Variants in RHOD observed in about 807,000 individuals in gnomAD.
RHOD encodes rho-related GTP-binding protein RhoD.
A neutral mutation model predicts 16.7 loss-of-function variants in RHOD; 11 were observed. The observed-to-expected ratio is 0.66, with a 90% CI of 0.41 to 1.09. The LOEUF (loss-of-function observed/expected upper bound fraction) is 1.09. Ranked by LOEUF, RHOD falls within the 50% of genes least tolerant of loss-of-function variation. RHOD has a pLI of 0.00. For synonymous variants in RHOD, 124 were observed against 126.3 expected (o/e 0.98, Z 0.12); for missense variants, 271 against 291.7 (o/e 0.93, Z 0.52).
intron 1 of RHOD, among the ~76,000 whole-genome samples, chr11:67,062,504 G>C (rs189829976): frequency 6.6e-6 from 1 of 152,190 alleles, no homozygotes; most frequent in Non-Finnish European, 1.5e-5. Context: ...TTTTGGTAGA[G>C]GGAGTGATAG....
At position 67,056,948 on chromosome 11, in the gene RHOD, C is replaced by T. The variant is rs769382537; in HGVS notation, c.46C>T (p.Arg16Trp). The change falls in exon 1 of 5, where the codon CGG (arginine) becomes TGG (tryptophan). Residue 16 changes from arginine to tryptophan, a missense_variant. Coordinates refer to ENST00000308831, the MANE Select transcript of RHOD (RefSeq NM_014578.4). ...AAGEEAPPGV[R>W]SVKVVLVGDG... The stretch of plus-strand genomic sequence containing the variant: ...GGGTGAGGAGGCGCCACCAGGCGTG[C>T]GGTCCGTCAAGGTGGTCCTGGTGGG... 3 of 1,489,982 alleles carry T rather than the reference C, an allele frequency of 2.0e-6. No homozygotes were observed. The highest frequency in any genetic ancestry group is 1.3e-5 in the South Asian group (1 of 78,490). 92.3% of individuals were successfully genotyped at this position (1,489,982 alleles called of 1,614,324 possible).
rs1855018921 is a variant in RHOD, at chr11:67,070,675, G to A, written c.465+116G>A. On this transcript the variant is annotated intron_variant, in intron 4 of 4. Coordinates refer to ENST00000308831, the MANE Select transcript of RHOD (RefSeq NM_014578.4). ...CAGGGTGTAGGTCAGAGCTGCGGTCGTCTTAGAGGCTGTCAGAGGTCAGAA... is the reference window on the plus strand; with the variant it reads ...CAGGGTGTAGGTCAGAGCTGCGGTCATCTTAGAGGCTGTCAGAGGTCAGAA... 31 of 1,255,228 alleles carry A rather than the reference G, an allele frequency of 2.5e-5. No individual in the cohort carries two copies. The East Asian group carries it at 3.8e-4, about 15-fold the overall frequency. The allele number at this position is 1,255,228 out of a possible 1,614,324, so 77.8% of individuals were successfully genotyped here.
At chr11:67,061,164 G>A (rs1394281531) in intron 1 of RHOD, among the ~76,000 whole-genome samples, 3 of 152,146 alleles carry the variant, frequency 2.0e-5, no homozygotes, top group South Asian at 2.1e-4. Context: ...GAGAGAGAAG[G>A]GGGAAGCACC....
intron 1 of RHOD, among the ~76,000 whole-genome samples, chr11:67,061,716 A>C (rs1400942893): frequency 1.6e-3 from 54 of 33,586 alleles, no homozygotes; most frequent in Middle Eastern, 0.011. Flanking sequence ...CCTGTCCAGG[A>C]GGCGACAGAG....
At position 67,056,954 on chromosome 11, in the gene RHOD, G is replaced by T. The variant is rs562945573; in HGVS notation, c.52G>T (p.Val18Phe). Reference protein sequence around the residue: ...GEEAPPGVRSVKVVLVGDGGC... With the variant: ...GEEAPPGVRSFKVVLVGDGGC... ...GGAGGCGCCACCAGGCGTGCGGTCC[G>T]TCAAGGTGGTCCTGGTGGGCGACGG... The change falls in exon 1 of 5, where the codon GTC becomes TTC. Residue 18 changes from valine (V) to phenylalanine (F), a missense_variant. Val to Phe is a conservative substitution (Grantham distance 50). Coordinates refer to ENST00000308831, the MANE Select transcript of RHOD (RefSeq NM_014578.4). The T allele has an allele frequency of 4.7e-6, 7 of 1,496,970 alleles. No homozygotes were observed. The highest frequency in any genetic ancestry group is 2.9e-5 in the East Asian group (1 of 34,848). The allele number at this position is 1,496,970 out of a possible 1,614,324, so 92.7% of individuals were successfully genotyped here.
Position 67,071,738 on chromosome 11 carries a change from C to T in RHOD, c.*136C>T, listed in dbSNP as rs140962191. ...AGACGGGCGCCACCAAAGCCAGGCC[C>T]TGAGGCCTGGGAGTCCTGGACTGAG... is the stretch of plus-strand genomic sequence containing the variant. On this transcript the variant is annotated 3_prime_UTR_variant, in exon 5 of 5. Coordinates refer to ENST00000308831, the MANE Select transcript of RHOD (RefSeq NM_014578.4). 14,144 of 934,634 alleles carry T rather than the reference C, an allele frequency of 0.015. 157 individuals are homozygous for T. Among genetic ancestry groups the T allele is most frequent in the Middle Eastern group, 0.019 (55 of 2,898 alleles). The allele number at this position is 934,634 out of a possible 1,614,324, so 57.9% of individuals were successfully genotyped here.
intron 3 of RHOD, among the ~76,000 whole-genome samples, chr11:67,070,093 G>A (rs758279575): frequency 7.2e-5 from 11 of 152,092 alleles, no homozygotes; most frequent in African/African-American, 2.4e-4. Flanking sequence ...ATTCTAGAAC[G>A]GCAGGAGCAG....
chr11:67,066,184 G>A (rs572088058), intron 2 of RHOD, among the ~76,000 whole-genome samples: 3 of 152,190 alleles, frequency 2.0e-5, no homozygotes, highest in Non-Finnish European at 2.9e-5. Flanking sequence ...CCCCAGGGCC[G>A]CCCGCTACGT....
intron 1 of RHOD, among the ~76,000 whole-genome samples, chr11:67,061,237 C>T (rs1385762164): frequency 6.6e-6 from 1 of 151,948 alleles, no homozygotes; most frequent in Non-Finnish European, 1.5e-5. Flanking sequence ...TGGTGGCTCA[C>T]ACCTGTAATC....
At chr11:67,064,179 G>A (rs182829337) in intron 1 of RHOD, among the ~76,000 whole-genome samples, 91 of 150,804 alleles carry the variant, frequency 6.0e-4, no homozygotes, top group Admixed American at 1.4e-3. Context: ...GGCCGAGGCG[G>A]GTGGATCACG....
At chr11:67,061,757 T>C (rs7111691) in intron 1 of RHOD, among the ~76,000 whole-genome samples, 1 of 118,072 alleles carries the variant, frequency 8.5e-6, no homozygotes, top group Non-Finnish European at 1.7e-5. Context: ...AAAAAAAAAA[T>C]ATATATATAT....
chr11:67,060,731 T>C (rs1414151586), intron 1 of RHOD, among the ~76,000 whole-genome samples: 1 of 152,244 alleles, frequency 6.6e-6, no homozygotes. Flanking sequence ...GGATCGGAGA[T>C]GGTGCCAGTA....
intron 4 of RHOD, among the ~76,000 whole-genome samples, chr11:67,071,230 C>T (rs952229810): frequency 6.6e-6 from 1 of 151,768 alleles, no homozygotes; most frequent in Non-Finnish European, 1.5e-5. Flanking sequence ...AGCAAGACTC[C>T]GTCTCAAAAA....
chr11:67,066,097 A>G, intron 2 of RHOD, 114 bp downstream of exon 2: 4 of 856,996 alleles, frequency 4.7e-6, no homozygotes, highest in Non-Finnish European at 7.4e-6. Context: ...TCTCCAAGGG[A>G]CAGGTGTGGG....
intron 4 of RHOD, among the ~76,000 whole-genome samples, chr11:67,070,881 A>T (rs1369586090): frequency 6.6e-6 from 1 of 152,104 alleles, no homozygotes; most frequent in Non-Finnish European, 1.5e-5. Context: ...GTCTGGGTTC[A>T]TGGGAAGTTC....
At chr11:67,067,131 G>C (rs985387256) in intron 3 of RHOD, among the ~76,000 whole-genome samples, 1 of 152,130 alleles carries the variant, frequency 6.6e-6, no homozygotes, top group Non-Finnish European at 1.5e-5. Context: ...CTCTTCCCAC[G>C]GCGGCTCTGC....
intron 1 of RHOD, among the ~76,000 whole-genome samples, chr11:67,062,349 C>T (rs566712557): frequency 1.3e-5 from 2 of 152,210 alleles, no homozygotes; most frequent in Non-Finnish European, 2.9e-5. Context: ...GGTCTTAAGC[C>T]AGGCATATCT....
intron 1 of RHOD, among the ~76,000 whole-genome samples, chr11:67,058,207 C>T (rs374059090): frequency 1.3e-5 from 2 of 152,130 alleles, no homozygotes; most frequent in Admixed American, 6.6e-5. Flanking sequence ...GACGGAGTCT[C>T]GCTCTGTCGC....
At position 67,056,980 on chromosome 11, in the gene RHOD, C is replaced by T. The variant is rs1267287916; in HGVS notation, c.78C>T (p.Gly26=). The change falls in exon 1 of 5, where the codon GGC becomes GGT. Residue 26 remains glycine (G), a synonymous_variant. Coordinates refer to ENST00000308831, the MANE Select transcript of RHOD (RefSeq NM_014578.4). ...RSVKVVLVGD[G]GCGKTSLLMV... Reference sequence around the variant, plus strand: ...TCAAGGTGGTCCTGGTGGGCGACGGCGGCTGCGGGAAGACGTCGCTGCTGA... The same window carrying T: ...TCAAGGTGGTCCTGGTGGGCGACGGTGGCTGCGGGAAGACGTCGCTGCTGA... The T allele has an allele frequency of 6.6e-7, 1 of 1,508,434 alleles. No individual in the cohort carries two copies. The allele number at this position is 1,508,434 out of a possible 1,614,324, so 93.4% of individuals were successfully genotyped here. A position where few individuals can be genotyped will look rare whatever the true frequency, so the allele number is the denominator to read the frequency against.
Sources: gnomAD v4.1 joint callset for allele counts (sites outside exome capture counted in the v4.1 genomes callset) on GRCh38, gnomAD v4.1.1 for gene constraint, MANE v1.5 for transcripts, NCBI Gene and HGNC (gene_info 2026-07-23, HGNC 2026-07-21) for gene names.